CACNA1A: variants seen among roughly 807,000 people sequenced by gnomAD.
CACNA1A encodes the protein calcium voltage-gated channel subunit alpha1 A.
Under a neutral mutation model 262.4 loss-of-function variants are expected in CACNA1A, and 57 were observed. The observed-to-expected ratio is 0.22, with a 90% CI of 0.18 to 0.27. The LOEUF is 0.27. Among genes scored for constraint, CACNA1A ranks in the 10% least tolerant of loss-of-function variants. CACNA1A has a pLI of 1.00. For missense variants in CACNA1A, 2,526 were observed against 3,562.8 expected, an observed-to-expected ratio of 0.71 and a Z score of 7.41; for synonymous variants, 1,431 against 1,419.3, an observed-to-expected ratio of 1.01 and a Z score of -0.18.
At chr19:13,440,426 C>G (rs573646185) in intron 3 of CACNA1A, among the ~76,000 whole-genome samples, 2 of 152,292 alleles carry the variant, frequency 1.3e-5, no homozygotes, top group South Asian at 4.1e-4. Context: ...ATATTGGGAA[C>G]CCAACTAATA....
At chr19:13,300,777 C>G in intron 17 of CACNA1A, 121 bp from the exon 18 acceptor site, 1 of 790,924 alleles carries the variant, frequency 1.3e-6, no homozygotes, top group South Asian at 1.4e-5. Flanking sequence ...AACCAAGGCT[C>G]CCCAATTGGA....
At chr19:13,208,174 G>GGGAGGGGGA (rs757555243) in intron 46 of CACNA1A, 121 bp from the exon 47 acceptor site, 1 of 117,372 alleles carries the variant, frequency 8.5e-6, no homozygotes, top group African/African-American at 7.1e-5. Context: ...AGGGAGGAGG[G>GGGAGGGGGA]GGAGGGGGAG....
At chr19:13,234,367 A>C (rs2144642951) in intron 34 of CACNA1A, among the ~76,000 whole-genome samples, 1 of 143,372 alleles carries the variant, frequency 7.0e-6, no homozygotes, top group African/African-American at 2.6e-5. Context: ...AAAAAAAAAA[A>C]AAAAAAAAGC....
chr19:13,207,694 G>A lies in CACNA1A; in HGVS notation c.7140C>T (p.Pro2380=). The A allele has an allele frequency of 2.2e-6, 3 of 1,391,570 alleles. No individual in the cohort carries two copies. Among genetic ancestry groups the A allele is most frequent in the Non-Finnish European group, 2.8e-6 (3 of 1,074,112 alleles). The allele number at this position is 1,391,570 out of a possible 1,614,324, so 86.2% of individuals were successfully genotyped here. A position where few individuals can be genotyped will look rare whatever the true frequency, so the allele number is the denominator to read the frequency against. The change falls in exon 47 of 47, where the codon CCC becomes CCT. Residue 2380 remains proline, a synonymous_variant. Coordinates refer to ENST00000360228, the MANE Select transcript of CACNA1A (RefSeq NM_001127222.2). This position sits in a 1 kb window ranked among gnomAD's most constrained non-coding sequence, Gnocchi z 5.7. ...RVPGPARSES[P]RACRHGGARW... ...GGGCCCCGCCGTGTCGACAGGCCCT[G>A]GGGGACTCGCTCCGGGCCGGGCCTG...
chr19:13,397,293 G>T (rs2059826100), intron 3 of CACNA1A, among the ~76,000 whole-genome samples: 1 of 152,118 alleles, frequency 6.6e-6, no homozygotes, highest in Admixed American at 6.6e-5. Flanking sequence ...CAAATTGTGG[G>T]GAGAGACATT....
intron 24 of CACNA1A, among the ~76,000 whole-genome samples, chr19:13,268,335 C>G (rs999779360): frequency 9.2e-5 from 14 of 152,086 alleles, no homozygotes; most frequent in African/African-American, 3.4e-4. Context: ...GACTGGAGAT[C>G]CAGGTTAGAA....
At chr19:13,497,521 A>AAT (rs1568709638) in intron 1 of CACNA1A, among the ~76,000 whole-genome samples, 3 of 12,570 alleles carry the variant, frequency 2.4e-4, no homozygotes, top group Non-Finnish European at 4.2e-4. Context: ...AAAAAAAAAA[A>AAT]ATATATATAT....
At chr19:13,302,650 G>A (rs1017292424) in intron 17 of CACNA1A, among the ~76,000 whole-genome samples, 2 of 152,206 alleles carry the variant, frequency 1.3e-5, no homozygotes, top group East Asian at 1.9e-4. Flanking sequence ...CAGCCCCTAA[G>A]GATGGACTCT....
intron 3 of CACNA1A, among the ~76,000 whole-genome samples, chr19:13,379,598 C>T (rs1283646538): frequency 6.6e-6 from 1 of 152,120 alleles, no homozygotes; most frequent in Non-Finnish European, 1.5e-5. Flanking sequence ...GGCACCTGCT[C>T]TTTACCACCT....
At chr19:13,371,438 G>A in intron 4 of CACNA1A, 1 of 488,904 alleles carries the variant, frequency 2.0e-6, no homozygotes, top group South Asian at 3.3e-5. Context: ...ATCACACGTG[G>A]TGCTTAGCAT....
chr19:13,456,797 T>A (rs944652950), intron 1 of CACNA1A, among the ~76,000 whole-genome samples: 11 of 152,206 alleles, frequency 7.2e-5, no homozygotes, highest in African/African-American at 2.7e-4. Context: ...GGCCAATATG[T>A]ACATGAGGGT....
intron 6 of CACNA1A, among the ~76,000 whole-genome samples, chr19:13,342,951 GTC>G (rs1291473773): frequency 6.6e-6 from 1 of 152,004 alleles, no homozygotes; most frequent in African/African-American, 2.4e-5. Context: ...TAGAGAGGGG[GTC>G]TCTGTTGCCC....
chr19:13,468,150 A>G (rs916482598), intron 1 of CACNA1A, among the ~76,000 whole-genome samples: 3 of 152,166 alleles, frequency 2.0e-5, no homozygotes, highest in African/African-American at 7.2e-5. Context: ...AAACAAAACA[A>G]CAAGCCAAGT....
chr19:13,485,152 G>C (rs1390822163), intron 1 of CACNA1A, among the ~76,000 whole-genome samples: 1 of 152,108 alleles, frequency 6.6e-6, no homozygotes, highest in Non-Finnish European at 1.5e-5. Flanking sequence ...GGGCAAGAAT[G>C]GGCTTTTTAA....
At chr19:13,343,036 T>C (rs1005259422) in intron 6 of CACNA1A, among the ~76,000 whole-genome samples, 2 of 152,104 alleles carry the variant, frequency 1.3e-5, no homozygotes, top group African/African-American at 4.8e-5. Context: ...ATTTCAGGCA[T>C]GAGCCACCAC....
chr19:13,257,409 T>C lies in CACNA1A; in HGVS notation c.4531A>G (p.Ile1511Val). ...TTGTCCCCTTGCTCCTGGAAGGTGA[T>C]GATGATCAAGGCCACAAAGATATTG... ...FVNIFVALIIITFQEQGDKMM... is the reference protein window; with the variant it reads ...FVNIFVALIIVTFQEQGDKMM... The change falls in exon 28 of 47, where the codon ATC becomes GTC. Residue 1511 changes from isoleucine (I) to valine (V), a missense_variant. Physicochemically the swap from Ile to Val is conservative, Grantham distance 29. This residue lies in a region of CACNA1A where 137 missense variants were observed against 377.7 expected (regional missense o/e 0.36). Coordinates refer to ENST00000360228, the MANE Select transcript of CACNA1A (RefSeq NM_001127222.2). 1 of 1,613,956 alleles carries C rather than the reference T, an allele frequency of 6.2e-7. No individual in the cohort carries two copies. The highest frequency in any genetic ancestry group is 8.5e-7 in the Non-Finnish European group (1 of 1,179,860).
chr19:13,419,415 T>G (rs1304286313), intron 3 of CACNA1A, among the ~76,000 whole-genome samples: 2 of 152,180 alleles, frequency 1.3e-5, no homozygotes, highest in Non-Finnish European at 2.9e-5. Context: ...GTGGCTCATA[T>G]CTGTAATCCC....
intron 1 of CACNA1A, among the ~76,000 whole-genome samples, chr19:13,457,746 A>AGGAG (rs1448436182): frequency 6.6e-6 from 1 of 151,644 alleles, no homozygotes; most frequent in Non-Finnish European, 1.5e-5. Flanking sequence ...CCAGCTACTC[A>AGGAG]GGAGGCTGAG....
chr19:13,289,804 C>T (rs954669094), intron 19 of CACNA1A, among the ~76,000 whole-genome samples: 26 of 152,202 alleles, frequency 1.7e-4, no homozygotes, highest in African/African-American at 6.0e-4. Flanking sequence ...CTTCCAATTT[C>T]TCCCTTTTGC....
Sources: allele counts gnomAD v4.1 joint callset (sites outside exome capture counted in the v4.1 genomes callset), GRCh38; gene constraint gnomAD v4.1.1; regional missense constraint gnomAD v4.1.1; non-coding constraint Gnocchi (gnomAD v3.1); transcripts MANE v1.5; gene names NCBI Gene and HGNC (gene_info 2026-07-23, HGNC 2026-07-21).